Variants in GAB2 observed in about 807,000 individuals in gnomAD.
GAB2 encodes GRB2 associated binding protein 2.
In GAB2, 26 loss-of-function variants were observed where a neutral mutation model predicts 65.5. The ratio of observed to expected loss-of-function variants is 0.40; its 90% CI spans 0.29 to 0.55. GAB2 has a LOEUF of 0.55. GAB2 is among the 20% of genes least tolerant of loss of function. GAB2 has a pLI of 0.53. For synonymous variants in GAB2, 321 were observed against 329.6 expected (o/e 0.97, Z 0.28); for missense variants, 884 against 875.8 (o/e 1.01, Z -0.12).
chr11:78,236,986 G>A (rs1253649789), intron 3 of GAB2, among the ~76,000 whole-genome samples: 10 of 152,048 alleles, frequency 6.6e-5, no homozygotes, highest in African/African-American at 2.4e-4. Context: ...ATTATTCATG[G>A]GGGATATTCT....
At chr11:78,410,376 T>C (rs1284805629) in intron 1 of GAB2, among the ~76,000 whole-genome samples, 1 of 152,124 alleles carries the variant, frequency 6.6e-6, no homozygotes, top group Non-Finnish European at 1.5e-5. Context: ...TTGTGGCACA[T>C]GCCTGCAATC....
At chr11:78,232,535 A>G (rs906699501) in intron 3 of GAB2, among the ~76,000 whole-genome samples, 1 of 152,196 alleles carries the variant, frequency 6.6e-6, no homozygotes, top group Admixed American at 6.5e-5. Flanking sequence ...TTGGCAATAG[A>G]TATTATTCTG....
At chr11:78,267,151 G>C (rs1452518251) in intron 2 of GAB2, among the ~76,000 whole-genome samples, 1 of 152,176 alleles carries the variant, frequency 6.6e-6, no homozygotes, top group Non-Finnish European at 1.5e-5. Context: ...ACTACAGGCA[G>C]GTTATCAGGG....
At chr11:78,322,692 C>A (rs865909837) in intron 1 of GAB2, among the ~76,000 whole-genome samples, 1 of 150,456 alleles carries the variant, frequency 6.6e-6, no homozygotes, top group African/African-American at 2.4e-5. Context: ...AATGGGCCAA[C>A]AAACATTTTT....
Position 78,222,190 on chromosome 11 carries a change from G to A in GAB2, c.1573C>T (p.Pro525Ser). Residue 525 changes from proline (P) to serine (S), a missense_variant, in exon 7 of 10, where the codon CCA (proline) becomes TCA (serine). Physicochemically the swap from Pro to Ser is moderately conservative, Grantham distance 74 (BLOSUM62 -1). Coordinates refer to ENST00000361507, the MANE Select transcript of GAB2 (RefSeq NM_080491.3). ...RNLKPDRKAK[P>S]TPLDLRNNTV... ...TTGTTCCTCAGGTCAAGTGGTGTTG[G>A]CTTTGCTGGAGCAGGAAAAGAAAGT... 1 of 1,612,016 alleles carries A rather than the reference G, an allele frequency of 6.2e-7. No homozygotes were observed.
At chr11:78,311,368 G>A (rs1193532368) in intron 1 of GAB2, among the ~76,000 whole-genome samples, 1 of 151,858 alleles carries the variant, frequency 6.6e-6, no homozygotes, top group Non-Finnish European at 1.5e-5. Flanking sequence ...TAACCAGGTT[G>A]TTACAAGAAT....
In GAB2 at chr11:78,245,579, G is replaced by C. The variant is rs111989758; in HGVS notation, c.620+4578C>G. 7.1e-3 allele frequency among the ~76,000 whole-genome samples: 1,075 copies of C among 152,302 alleles called. 11 individuals carry two copies. The highest frequency in any genetic ancestry group is 0.024 in the African/African-American group (1,006 of 41,566). ...CAGGCCACTCACATGGCAAGAAATG[G>C]CAAAGGGAGCTCTTCATACTAAAGA... is the stretch of plus-strand genomic sequence containing the variant. On this transcript the variant is annotated intron_variant, in intron 3 of 9. Coordinates refer to ENST00000361507, the MANE Select transcript of GAB2 (RefSeq NM_080491.3).
At chr11:78,314,319 C>T (rs1363392379) in intron 1 of GAB2, among the ~76,000 whole-genome samples, 1 of 152,254 alleles carries the variant, frequency 6.6e-6, no homozygotes, top group Non-Finnish European at 1.5e-5. Flanking sequence ...TAGCAGCTTG[C>T]ACTGCGTCCC....
chr11:78,234,722 A>T (rs1864939165), intron 3 of GAB2, among the ~76,000 whole-genome samples: 1 of 151,870 alleles, frequency 6.6e-6, no homozygotes, highest in South Asian at 2.1e-4. Context: ...CCAATACAAC[A>T]TTATCTTGAT....
At chr11:78,360,462 T>A (rs1194551956) in intron 1 of GAB2, among the ~76,000 whole-genome samples, 1 of 151,406 alleles carries the variant, frequency 6.6e-6, no homozygotes, top group Non-Finnish European at 1.5e-5. Flanking sequence ...GTAAATATAC[T>A]GCTATACTTT....
intron 1 of GAB2, among the ~76,000 whole-genome samples, chr11:78,398,704 CAGCAAT>C (rs1301352083): frequency 6.6e-6 from 1 of 152,156 alleles, no homozygotes; most frequent in Non-Finnish European, 1.5e-5. Context: ...GCCAAAATAA[CAGCAAT>C]AGCAATTAGC....
At chr11:78,262,578 C>A (rs895546359) in intron 2 of GAB2, among the ~76,000 whole-genome samples, 2 of 152,072 alleles carry the variant, frequency 1.3e-5, no homozygotes, top group African/African-American at 4.8e-5. Flanking sequence ...TACAGAGCCT[C>A]GCAGGACCCA....
intron 2 of GAB2, among the ~76,000 whole-genome samples, chr11:78,261,783 A>G (rs1865741466): frequency 6.6e-6 from 1 of 152,292 alleles, no homozygotes; most frequent in Admixed American, 6.5e-5. Context: ...CAGAAAGAAC[A>G]AATTTATACT....
chr11:78,411,402 C>T (rs899865698), intron 1 of GAB2, among the ~76,000 whole-genome samples: 2 of 152,022 alleles, frequency 1.3e-5, no homozygotes, highest in African/African-American at 4.8e-5. Context: ...AGCTAAAACA[C>T]TTTGAAAAAT....
intron 2 of GAB2, among the ~76,000 whole-genome samples, chr11:78,274,363 G>C (rs181152148): frequency 1.1e-4 from 17 of 152,142 alleles, no homozygotes; most frequent in Admixed American, 9.8e-4. Context: ...ATATGATGAA[G>C]CCTCTATAGG....
chr11:78,407,452 GA>G (rs1857059556), intron 1 of GAB2, among the ~76,000 whole-genome samples: 2 of 151,934 alleles, frequency 1.3e-5, no homozygotes, highest in Admixed American at 1.3e-4. Context: ...CCAACATAGT[GA>G]AACCCTGTCT....
intron 1 of GAB2, 39 bp downstream of exon 1, chr11:78,417,607 G>GC (rs1289535544): frequency 5.2e-6 from 6 of 1,152,816 alleles, no homozygotes; most frequent in South Asian, 1.8e-5. Context: ...GCCCCGGAGC[G>GC]CCCCCCGCCC....
chr11:78,326,810 A>G (rs939978456), intron 1 of GAB2, among the ~76,000 whole-genome samples: 2 of 152,170 alleles, frequency 1.3e-5, no homozygotes, highest in African/African-American at 4.8e-5. Flanking sequence ...AATATATACA[A>G]AGCAGACACA....
chr11:78,230,563 T>G (rs1356254012), intron 3 of GAB2, among the ~76,000 whole-genome samples: 1 of 152,244 alleles, frequency 6.6e-6, no homozygotes, highest in Non-Finnish European at 1.5e-5. Flanking sequence ...GTTATTCAGG[T>G]CTGTGTCTTT....
Sources: gnomAD v4.1 joint callset for allele counts (sites outside exome capture counted in the v4.1 genomes callset) on GRCh38, gnomAD v4.1.1 for gene constraint, MANE v1.5 for transcripts, NCBI Gene and HGNC (gene_info 2026-07-23, HGNC 2026-07-21) for gene names.